The following CFAP299 variants were observed in gnomAD, a reference collection of about 807,000 sequenced individuals.
CFAP299 encodes cilia and flagella associated protein 299.
A neutral mutation model predicts 27.0 loss-of-function variants in CFAP299; 21 were observed. The observed-to-expected ratio is 0.78, with a 90% confidence interval of 0.55 to 1.12. The LOEUF (loss-of-function observed/expected upper bound fraction) is 1.12, where lower values mean the gene tolerates loss of function less well. CFAP299 is among the 50% of genes most tolerant of loss of function. The probability of loss-of-function intolerance (pLI) is 0.00; values close to 1 mark genes in which losing one functional copy is unlikely to be tolerated. For synonymous variants in CFAP299, 104 were observed against 98.1 expected (o/e 1.06, Z -0.36); for missense variants, 310 against 276.6 (o/e 1.12, Z -0.86).
intron 4 of CFAP299, among the ~76,000 whole-genome samples, chr4:80,929,232 C>T (rs1736456557): frequency 6.6e-6 from 1 of 152,014 alleles, no homozygotes. Context: ...GTCTCTATAG[C>T]ACCACTATCT....
At chr4:80,328,843 C>T in the CFAP299 span, among the ~76,000 whole-genome samples, 2 of 152,088 alleles carry the variant, frequency 1.3e-5, no homozygotes, top group Admixed American at 6.6e-5. Flanking sequence ...CCTCAGAGCC[C>T]ATCCAGTCCT....
At chr4:80,555,167 A>G (rs1734724623) in intron 2 of CFAP299, among the ~76,000 whole-genome samples, 1 of 152,112 alleles carries the variant, frequency 6.6e-6, no homozygotes, top group Non-Finnish European at 1.5e-5. Context: ...ATTTTGAGGT[A>G]TGTTTCTTCA....
intron 3 of CFAP299, among the ~76,000 whole-genome samples, chr4:80,761,092 T>C (rs1725522242): frequency 1.3e-5 from 2 of 152,166 alleles, no homozygotes; most frequent in Non-Finnish European, 2.9e-5. Context: ...TTGATAGCAA[T>C]TCAGTCATTC....
intron 2 of CFAP299, among the ~76,000 whole-genome samples, chr4:80,525,220 C>G (rs1055509019): frequency 6.6e-6 from 1 of 152,066 alleles, no homozygotes; most frequent in African/African-American, 2.4e-5. Context: ...TGGTTAGAAG[C>G]AAGACAAAGG....
intron 3 of CFAP299, among the ~76,000 whole-genome samples, chr4:80,769,263 T>G (rs1057396860): frequency 2.6e-5 from 4 of 152,210 alleles, no homozygotes; most frequent in African/African-American, 9.7e-5. Context: ...ATTACCCTAT[T>G]TTACTGATGC....
chr4:80,712,309 T>C (rs992808450), intron 3 of CFAP299, among the ~76,000 whole-genome samples: 1 of 152,202 alleles, frequency 6.6e-6, no homozygotes, highest in African/African-American at 2.4e-5. Flanking sequence ...AGTGTTACTA[T>C]TCATATTAGA....
chr4:80,799,707 ATTT>A (rs1728212806), intron 3 of CFAP299, among the ~76,000 whole-genome samples: 3 of 53,668 alleles, frequency 5.6e-5, no homozygotes, highest in Non-Finnish European at 9.0e-5. Flanking sequence ...TAAAATATAT[ATTT>A]TATATATTAT....
At chr4:80,490,341 A>C (rs1388745903) in intron 2 of CFAP299, among the ~76,000 whole-genome samples, 1 of 152,208 alleles carries the variant, frequency 6.6e-6, no homozygotes, top group Non-Finnish European at 1.5e-5. Flanking sequence ...AAAATAATCA[A>C]TTTAGTAATT....
intron 3 of CFAP299, among the ~76,000 whole-genome samples, chr4:80,689,851 G>A (rs533525789): frequency 2.1e-3 from 318 of 151,984 alleles, no homozygotes; most frequent in Admixed American, 6.7e-3. Flanking sequence ...GAGGAAGGTC[G>A]ACCAAGCAAA....
intron 4 of CFAP299, among the ~76,000 whole-genome samples, chr4:80,890,549 G>A (rs1356323131): frequency 6.6e-6 from 1 of 151,314 alleles, no homozygotes; most frequent in Non-Finnish European, 1.5e-5. Context: ...ATAGCAGCAT[G>A]ATTTATAGTC....
At chr4:80,585,296 T>A (rs1426844674) in intron 3 of CFAP299, among the ~76,000 whole-genome samples, 1 of 152,152 alleles carries the variant, frequency 6.6e-6, no homozygotes, top group East Asian at 1.9e-4. Context: ...ATCATGTGTT[T>A]GATTTTGAAC....
intron 2 of CFAP299, among the ~76,000 whole-genome samples, chr4:80,562,675 T>C (rs1443465658): frequency 6.8e-6 from 1 of 147,212 alleles, no homozygotes. Flanking sequence ...ATAATAATAA[T>C]AATAATAATA....
chr4:80,545,016 T>G (rs553483999), intron 2 of CFAP299, among the ~76,000 whole-genome samples: 1 of 152,292 alleles, frequency 6.6e-6, no homozygotes, highest in African/African-American at 2.4e-5. Context: ...AACAACATTC[T>G]TAGACCACAA....
intron 2 of CFAP299, among the ~76,000 whole-genome samples, chr4:80,520,971 G>A (rs1732879782): frequency 6.6e-6 from 1 of 152,130 alleles, no homozygotes; most frequent in Admixed American, 6.6e-5. Context: ...AGTACATGGT[G>A]GGGGCACAAA....
intron 2 of CFAP299, among the ~76,000 whole-genome samples, chr4:80,556,742 A>G (rs963456956): frequency 4.6e-5 from 7 of 151,982 alleles, no homozygotes; most frequent in Non-Finnish European, 1.5e-5. Context: ...TAGGATCACA[A>G]GTTACTATAA....
At chr4:80,512,865 C>G (rs963680547) in intron 2 of CFAP299, among the ~76,000 whole-genome samples, 1 of 152,008 alleles carries the variant, frequency 6.6e-6, no homozygotes, top group Admixed American at 6.6e-5. Context: ...CTCTATATTT[C>G]TCTTTCCCTC....
At chr4:80,722,579 T>C (rs548506229) in intron 3 of CFAP299, among the ~76,000 whole-genome samples, 2 of 152,148 alleles carry the variant, frequency 1.3e-5, no homozygotes, top group East Asian at 1.9e-4. Flanking sequence ...AAAAGACTTT[T>C]AAAACTCTCA....
intron 3 of CFAP299, among the ~76,000 whole-genome samples, chr4:80,668,252 TG>T (rs1247547103): frequency 3.9e-5 from 6 of 152,268 alleles, no homozygotes; most frequent in African/African-American, 1.4e-4. Flanking sequence ...TCCCATTCTG[TG>T]GATTGTCTCT....
At chr4:80,533,035 C>A (rs1383532492) in intron 2 of CFAP299, among the ~76,000 whole-genome samples, 1 of 152,148 alleles carries the variant, frequency 6.6e-6, no homozygotes, top group African/African-American at 2.4e-5. Flanking sequence ...TCCCATCTAA[C>A]AATATCCCAA....
Sources: allele counts gnomAD v4.1 joint callset (sites outside exome capture counted in the v4.1 genomes callset), GRCh38; gene constraint gnomAD v4.1.1; transcripts MANE v1.5; gene names NCBI Gene and HGNC (gene_info 2026-07-23, HGNC 2026-07-21).